SPOCK1: variants seen among roughly 807,000 people sequenced by gnomAD.
The protein encoded by SPOCK1 is testican-1.
A neutral mutation model predicts 55.3 loss-of-function variants in SPOCK1; 23 were observed. That is an observed-to-expected ratio of 0.42 (90% CI 0.30 to 0.59). The LOEUF (loss-of-function observed/expected upper bound fraction) is 0.59, where lower values mean the gene tolerates loss of function less well. Ranked by LOEUF, SPOCK1 falls within the 20% of genes least tolerant of loss-of-function variation. The probability of loss-of-function intolerance (pLI) is 0.22; values close to 1 mark genes in which losing one functional copy is unlikely to be tolerated. For missense variants in SPOCK1, 499 were observed against 552.5 expected (o/e 0.90, Z 0.97); for synonymous variants, 226 against 221.0 (o/e 1.02, Z -0.20).
chr5:137,153,450 T>G (rs1169664100), intron 3 of SPOCK1, among the ~76,000 whole-genome samples: 1 of 152,232 alleles, frequency 6.6e-6, no homozygotes, highest in Non-Finnish European at 1.5e-5. Flanking sequence ...TCATTTTATA[T>G]GTCAAGTACT....
In SPOCK1 at chr5:137,267,020, G is replaced by A; in HGVS notation, c.222C>T (p.Pro74=). ...DYFRNWNPNK[P]FDQALDPSKD... Reference sequence around the variant, plus strand: ...TATTGCATCCATTACCTTGGTCAAAGGGCTTGTTGGGATTCCAGTTTCTGA... The same window carrying A: ...TATTGCATCCATTACCTTGGTCAAAAGGCTTGTTGGGATTCCAGTTTCTGA... Residue 74 remains proline (P), a synonymous_variant, in exon 3 of 11, where the codon CCC becomes CCT. Transcript: ENST00000394945. 5 of 1,612,828 alleles carry A rather than the reference G, an allele frequency of 3.1e-6. No individual in the cohort carries two copies. The highest frequency in any genetic ancestry group is 4.2e-6 in the Non-Finnish European group (5 of 1,178,972).
At chr5:137,041,386 C>T (rs1306972328) in intron 6 of SPOCK1, among the ~76,000 whole-genome samples, 2 of 151,996 alleles carry the variant, frequency 1.3e-5, no homozygotes, top group African/African-American at 4.8e-5. Context: ...TAGAAGAAAA[C>T]ATGGGGAAAA....
intron 8 of SPOCK1, among the ~76,000 whole-genome samples, chr5:136,986,541 G>T (rs1160544094): frequency 6.6e-6 from 1 of 152,094 alleles, no homozygotes; most frequent in East Asian, 1.9e-4. Context: ...AATTGAAAAT[G>T]AAGAGAAAAA....
intron 2 of SPOCK1, among the ~76,000 whole-genome samples, chr5:137,485,657 G>T (rs1346672615): frequency 6.6e-6 from 1 of 151,888 alleles, no homozygotes; most frequent in Admixed American, 6.6e-5. Flanking sequence ...GAAACTAACT[G>T]CCCTTCAACA....
At chr5:137,086,981 T>C (rs1342557737) in intron 5 of SPOCK1, among the ~76,000 whole-genome samples, 2 of 152,178 alleles carry the variant, frequency 1.3e-5, no homozygotes, top group Non-Finnish European at 1.5e-5. Context: ...TAATACAAGA[T>C]AGAGCTGAGA....
At chr5:137,452,569 C>T (rs1010493863) in intron 2 of SPOCK1, among the ~76,000 whole-genome samples, 1 of 152,112 alleles carries the variant, frequency 6.6e-6, no homozygotes, top group Non-Finnish European at 1.5e-5. Flanking sequence ...AACAGACATC[C>T]TAAAAATTGA....
rs111238833 is a variant in SPOCK1 at position 137,190,738 on chromosome 5, C to T, written c.233-50044G>A. Among the ~76,000 whole-genome samples the T allele has an allele frequency of 3.3e-3, 499 of 152,290 alleles. 3 individuals are homozygous for T. Among genetic ancestry groups the T allele is most frequent in the African/African-American group, 0.01 (432 of 41,572 alleles). The stretch of plus-strand genomic sequence containing the variant: ...CCTGTCTACCAGCCTTCAGGTCCTT[C>T]AGGTCACATGTCACATTTCAGGAAA... On this transcript the variant is annotated intron_variant, in intron 3 of 10. Transcript: ENST00000394945.
At chr5:137,033,545 C>A (rs1580717099) in intron 6 of SPOCK1, among the ~76,000 whole-genome samples, 2 of 152,146 alleles carry the variant, frequency 1.3e-5, no homozygotes, top group Admixed American at 6.5e-5. Flanking sequence ...CTGAAAGCCA[C>A]TCAAATGCAT....
At chr5:137,404,345 G>A (rs1752048254) in intron 2 of SPOCK1, among the ~76,000 whole-genome samples, 3 of 151,794 alleles carry the variant, frequency 2.0e-5, no homozygotes, top group South Asian at 2.1e-4. Flanking sequence ...CCAGATGTAT[G>A]GATTTTTAGA....
At chr5:137,446,895 T>C (rs1158330225) in intron 2 of SPOCK1, among the ~76,000 whole-genome samples, 1 of 152,222 alleles carries the variant, frequency 6.6e-6, no homozygotes, top group Non-Finnish European at 1.5e-5. Flanking sequence ...TAAAGTGGAA[T>C]TATACTGTAG....
chr5:137,333,623 C>A (rs1580871388), intron 2 of SPOCK1, among the ~76,000 whole-genome samples: 1 of 152,196 alleles, frequency 6.6e-6, no homozygotes, highest in East Asian at 1.9e-4. Context: ...TATCTGCAGG[C>A]CAAGACAGTA....
intron 2 of SPOCK1, among the ~76,000 whole-genome samples, chr5:137,282,325 C>A (rs2127125862): frequency 6.6e-6 from 1 of 152,356 alleles, no homozygotes; most frequent in African/African-American, 2.4e-5. Flanking sequence ...AGCCGCTGCT[C>A]TGTGCAAAAG....
At chr5:137,235,038 C>T (rs573627760) in intron 3 of SPOCK1, among the ~76,000 whole-genome samples, 4 of 152,284 alleles carry the variant, frequency 2.6e-5, no homozygotes, top group South Asian at 4.1e-4. Context: ...AAACCAAGTG[C>T]ATGCTTTGTG....
At chr5:137,260,336 A>G (rs922400282) in intron 3 of SPOCK1, among the ~76,000 whole-genome samples, 5 of 152,250 alleles carry the variant, frequency 3.3e-5, no homozygotes, top group Admixed American at 3.3e-4. Flanking sequence ...ATTGTGATAT[A>G]TTAATACAAT....
chr5:137,464,850 T>G (rs926994939), intron 2 of SPOCK1, among the ~76,000 whole-genome samples: 1 of 152,110 alleles, frequency 6.6e-6, no homozygotes, highest in Non-Finnish European at 1.5e-5. Flanking sequence ...TGAGCATATA[T>G]GTGGTAGCAG....
At chr5:137,442,829 G>A (rs190651508) in intron 2 of SPOCK1, among the ~76,000 whole-genome samples, 29 of 152,286 alleles carry the variant, frequency 1.9e-4, no homozygotes, top group Admixed American at 5.9e-4. Context: ...CACAATTCAC[G>A]GTGCAATTAA....
Position 136,978,684 on chromosome 5 carries a change from G to A in SPOCK1, c.1290C>T (p.Asp430=). The A allele has an allele frequency of 1.2e-6, 2 of 1,612,576 alleles. No individual in the cohort carries two copies. The highest frequency in any genetic ancestry group is 1.7e-6 in the Non-Finnish European group (2 of 1,179,480). Reference sequence around the variant, plus strand: ...ATATGTACCCGACCTCATCCTCTTTGTCATCATCCTCATCCTCATCATCCT... The same window carrying A: ...ATATGTACCCGACCTCATCCTCTTTATCATCATCCTCATCCTCATCATCCT... ...VTEDDEDEDD[D]KEDEVGYIW is the part of the protein sequence containing the mutation. Residue 430 remains aspartate, a synonymous_variant, in exon 11 of 11, where the codon GAC becomes GAT. Coordinates refer to ENST00000394945, the MANE Select transcript of SPOCK1 (RefSeq NM_004598.4).
chr5:137,092,799 C>G (rs1232440235), intron 5 of SPOCK1, among the ~76,000 whole-genome samples: 1 of 152,166 alleles, frequency 6.6e-6, no homozygotes, highest in Non-Finnish European at 1.5e-5. Flanking sequence ...CTGTAGTAGT[C>G]CATTTGCTGT....
intron 2 of SPOCK1, among the ~76,000 whole-genome samples, chr5:137,297,905 T>C (rs1757518978): frequency 6.6e-6 from 1 of 152,076 alleles, no homozygotes; most frequent in Non-Finnish European, 1.5e-5. Flanking sequence ...GAAAAGAGCG[T>C]GGTACAATTT....
Sources: allele counts gnomAD v4.1 joint callset (sites outside exome capture counted in the v4.1 genomes callset), GRCh38; gene constraint gnomAD v4.1.1; transcripts MANE v1.5; gene names NCBI Gene and HGNC (gene_info 2026-07-23, HGNC 2026-07-21).